The following TGFBI variants were observed in gnomAD, a reference collection of about 807,000 sequenced individuals.
TGFBI encodes the protein transforming growth factor-beta-induced protein ig-h3.
TGFBI carries 50 observed loss-of-function variants against 73.7 expected under a neutral mutation model. That is an observed-to-expected ratio of 0.68 (90% confidence interval 0.54 to 0.86). The LOEUF is 0.86. Among genes scored for constraint, TGFBI ranks in the 40% least tolerant of loss-of-function variants. The pLI is 0.00. For missense variants in TGFBI, 839 were observed against 877.0 expected (o/e 0.96, Z 0.55); for synonymous variants, 362 against 360.5 (o/e 1.00, Z -0.05).
chr5:136,029,127 TC>T lies in TGFBI; in HGVS notation c.75del (p.Ala26ProfsTer103). On this transcript the variant is annotated frameshift_variant, in exon 1 of 17. Coordinates refer to ENST00000442011, the MANE Select transcript of TGFBI (RefSeq NM_000358.3). LOFTEE classifies it high-confidence loss of function. ...TGGGCCCCGCCGCGACCCTGGCGGG[TC>T]CCGCCAAGTCGCCCTACCAGCTGGT... ...ALGPAATLAG[P>X]AKSPYQLVLQ... The T allele has an allele frequency of 6.6e-7, 1 of 1,524,832 alleles. No individual in the cohort carries two copies. 94.5% of individuals were successfully genotyped at this position (1,524,832 alleles called of 1,614,324 possible). A position where few individuals can be genotyped will look rare whatever the true frequency, so the allele number is the denominator to read the frequency against.
intron 2 of TGFBI, among the ~76,000 whole-genome samples, chr5:136,039,999 C>T (rs1276347478): frequency 6.6e-6 from 1 of 152,222 alleles, no homozygotes; most frequent in African/African-American, 2.4e-5. Flanking sequence ...GGTGACTGGC[C>T]TACAGGGCCA....
At chr5:136,039,076 C>T (rs1319716937) in intron 2 of TGFBI, among the ~76,000 whole-genome samples, 1 of 152,144 alleles carries the variant, frequency 6.6e-6, no homozygotes, top group Non-Finnish European at 1.5e-5. Context: ...TATCAATGGT[C>T]TCATGTAGGG....
chr5:136,058,416 T>C (rs1751688380), intron 12 of TGFBI, among the ~76,000 whole-genome samples: 1 of 152,158 alleles, frequency 6.6e-6, no homozygotes, highest in African/African-American at 2.4e-5. Flanking sequence ...GGGAAATGCC[T>C]CTGCACCTTT....
intron 14 of TGFBI, 100 bp from the exon 15 acceptor site, chr5:136,061,400 G>A (rs1327295789): frequency 1.2e-6 from 1 of 837,500 alleles, no homozygotes; most frequent in Admixed American, 2.0e-5. Flanking sequence ...CTTTGGAAAT[G>A]TGAGCCAGAA....
intron 1 of TGFBI, among the ~76,000 whole-genome samples, chr5:136,032,037 G>A (rs1751130075): frequency 6.6e-6 from 1 of 152,198 alleles, no homozygotes; most frequent in East Asian, 1.9e-4. Flanking sequence ...AGATTGAAGA[G>A]CTTCTGGGAT....
At chr5:136,029,362 G>GGAGA (rs2126900212) in intron 1 of TGFBI, among the ~76,000 whole-genome samples, 173 bp downstream of exon 1, 1 of 152,322 alleles carries the variant, frequency 6.6e-6, no homozygotes, top group Non-Finnish European at 1.5e-5. Context: ...AAGGAGAGAG[G>GGAGA]GAGGGAGGTG....
At chr5:136,030,051 C>G (rs2126900571) in intron 1 of TGFBI, among the ~76,000 whole-genome samples, 1 of 152,326 alleles carries the variant, frequency 6.6e-6, no homozygotes, top group South Asian at 2.1e-4. Flanking sequence ...ATTTCTACCT[C>G]AAAAACCAGG....
rs1276018733 is a variant in TGFBI at position 136,063,487 on chromosome 5, G to A, written c.*261G>A. The stretch of plus-strand genomic sequence containing the variant: ...TCACTGCCTGACATTCACTTCCAGA[G>A]AGGACCTATCCCAAATGTGGAATTG... On this transcript the variant is annotated 3_prime_UTR_variant, in exon 17 of 17. Transcript: ENST00000442011. The A allele has an allele frequency of 1.7e-5, 8 of 473,654 alleles. No homozygotes were observed. The highest frequency in any genetic ancestry group is 3.0e-5 in the Non-Finnish European group (8 of 262,330). The allele number at this position is 473,654 out of a possible 1,614,324, so 29.3% of individuals were successfully genotyped here.
In TGFBI at chr5:136,029,041, G is replaced by C; in HGVS notation, c.-15G>C. On this transcript the variant is annotated 5_prime_UTR_variant, in exon 1 of 17. Coordinates refer to ENST00000442011, the MANE Select transcript of TGFBI (RefSeq NM_000358.3). Reference sequence around the variant, plus strand: ...CGTCGGTCGCTAGCTCGCTCGGTGCGCGTCGTCCCGCTCCATGGCGCTCTT... The same window carrying C: ...CGTCGGTCGCTAGCTCGCTCGGTGCCCGTCGTCCCGCTCCATGGCGCTCTT... 6.6e-7 allele frequency: 1 copy of C among 1,522,164 alleles called. No individual in the cohort carries two copies. The highest frequency in any genetic ancestry group is 8.8e-7 in the Non-Finnish European group (1 of 1,141,928). 94.3% of individuals were successfully genotyped at this position (1,522,164 alleles called of 1,614,324 possible). A position where few individuals can be genotyped will look rare whatever the true frequency, so the allele number is the denominator to read the frequency against.
intron 10 of TGFBI, 146 bp from the exon 11 acceptor site, chr5:136,055,534 C>A: frequency 1.5e-6 from 1 of 671,274 alleles, no homozygotes; most frequent in South Asian, 6.5e-5. Flanking sequence ...GAAAATACAT[C>A]ATTTTATCCC....
Position 136,061,585 on chromosome 5 carries a change from A to G in TGFBI, c.1986+6A>G. On this transcript the variant is annotated splice_donor_region_variant and intron_variant, in intron 15 of 16. Coordinates refer to ENST00000442011, the MANE Select transcript of TGFBI (RefSeq NM_000358.3). ...AAGCATCAGCGTTTTCCAGGGTAAGATGCCTGCTAGGTTTGCGCCTAGCCT... is the reference window on the plus strand; with the variant it reads ...AAGCATCAGCGTTTTCCAGGGTAAGGTGCCTGCTAGGTTTGCGCCTAGCCT... 1 of 1,613,198 alleles carries G rather than the reference A, an allele frequency of 6.2e-7. No homozygotes were observed. The highest frequency in any genetic ancestry group is 8.5e-7 in the Non-Finnish European group (1 of 1,179,456).
intron 7 of TGFBI, among the ~76,000 whole-genome samples, chr5:136,051,870 C>T (rs187041732): frequency 2.8e-4 from 42 of 152,366 alleles, no homozygotes; most frequent in African/African-American, 8.7e-4. Flanking sequence ...GTGGCCAGCA[C>T]GGGCTTCCAA....
At chr5:136,048,163 C>G (rs796464272) in intron 6 of TGFBI, 26 of 152,358 alleles carry the variant, frequency 1.7e-4, no homozygotes, top group African/African-American at 6.0e-4. Flanking sequence ...CTGGCTGGCA[C>G]TGACAGGCCT....
chr5:136,052,375 C>T (rs561892466), intron 7 of TGFBI, among the ~76,000 whole-genome samples: 1 of 152,350 alleles, frequency 6.6e-6, no homozygotes, highest in East Asian at 1.9e-4. Context: ...ATAAAGTGTA[C>T]ACAAATAACT....
chr5:136,056,284 C>G (rs1363127167), intron 11 of TGFBI, among the ~76,000 whole-genome samples: 1 of 152,156 alleles, frequency 6.6e-6, no homozygotes, highest in Non-Finnish European at 1.5e-5. Flanking sequence ...TGAATGTTTC[C>G]CTGTCACTGA....
Position 136,054,047 on chromosome 5 carries a change from A to G in TGFBI, c.1231A>G (p.Thr411Ala). 6.2e-7 allele frequency: 1 copy of G among 1,613,852 alleles called. No homozygotes were observed. The highest frequency in any genetic ancestry group is 8.5e-7 in the Non-Finnish European group (1 of 1,179,854). The change falls in exon 9 of 17, where the codon ACC (threonine) becomes GCC (alanine). Residue 411 changes from threonine (T) to alanine (A), a missense_variant. Thr to Ala is a moderately conservative substitution (Grantham distance 58). Transcript: ENST00000442011. The stretch of plus-strand genomic sequence containing the variant: ...TCATCTCTCTGGAAGTGAGCGGTTG[A>G]CCCTCCTGGCTCCCCTGAATTCTGT... ...GNHLSGSERL[T>A]LLAPLNSVFK... is the part of the protein sequence containing the mutation.
intron 2 of TGFBI, among the ~76,000 whole-genome samples, chr5:136,037,572 T>C: frequency 6.6e-6 from 1 of 152,108 alleles, no homozygotes; most frequent in Non-Finnish European, 1.5e-5. Flanking sequence ...AAACGTGGCA[T>C]AGGGAGGGCT....
intron 12 of TGFBI, 88 bp from the exon 13 acceptor site, chr5:136,059,002 C>A: frequency 6.7e-7 from 1 of 1,499,702 alleles, no homozygotes; most frequent in Non-Finnish European, 9.0e-7. Context: ...CAGGGGTGAC[C>A]ACTTACATCT....
chr5:136,043,923 A>G (rs4976464), intron 2 of TGFBI, 135 bp from the exon 3 acceptor site: 674,675 of 689,192 alleles, frequency 0.98, 330,303 homozygotes, highest in East Asian at 1. Flanking sequence ...CTTAGCAAAT[A>G]ACTCCTAAGA....
Sources: allele counts gnomAD v4.1 joint callset (sites outside exome capture counted in the v4.1 genomes callset), GRCh38; gene constraint gnomAD v4.1.1; transcripts MANE v1.5; gene names NCBI Gene and HGNC (gene_info 2026-07-23, HGNC 2026-07-21).